Variants in TMEM222 observed in about 807,000 individuals in gnomAD.
The protein encoded by TMEM222 is chromosome 1 open reading frame 160.
A neutral mutation model predicts 25.1 loss-of-function variants in TMEM222; 18 were observed. The observed-to-expected ratio is 0.72, with a 90% confidence interval of 0.50 to 1.06. The LOEUF (loss-of-function observed/expected upper bound fraction) is 1.06, where lower values mean the gene tolerates loss of function less well. Among genes scored for constraint, TMEM222 ranks in the 50% least tolerant of loss-of-function variants. The pLI is 0.00. For missense variants in TMEM222, 296 were observed against 293.7 expected (o/e 1.01, Z -0.06); for synonymous variants, 131 against 117.9 (o/e 1.11, Z -0.72).
rs1247125887 is a variant in TMEM222, at chr1:27,331,287, G to C, written c.279+483G>C. Reference sequence around the variant, plus strand: ...CCAAGACTGGTCCAGTGGGCTAGCAGCAGAGGAGCATGCATCATCCTGTCT... The same window carrying C: ...CCAAGACTGGTCCAGTGGGCTAGCACCAGAGGAGCATGCATCATCCTGTCT... On this transcript the variant is annotated intron_variant, in intron 2 of 5. Coordinates refer to ENST00000374076, the MANE Select transcript of TMEM222 (RefSeq NM_032125.3). The C allele has an allele frequency of 1.8e-5, 8 of 449,846 alleles. No homozygotes were observed. In the South Asian group the frequency reaches 5.9e-4, roughly 33 times the overall value. The allele number at this position is 449,846 out of a possible 1,614,324, so 27.9% of individuals were successfully genotyped here.
intron 5 of TMEM222, chr1:27,335,011 A>G (rs746299898): frequency 1.5e-5 from 5 of 334,770 alleles, no homozygotes; most frequent in Non-Finnish European, 2.8e-5. Flanking sequence ...GGCAGAGGGC[A>G]CACGTGGCTT....
intron 1 of TMEM222, among the ~76,000 whole-genome samples, chr1:27,323,576 C>T (rs1211168901): frequency 1.3e-5 from 2 of 151,746 alleles, no homozygotes; most frequent in Non-Finnish European, 2.9e-5. Flanking sequence ...TAGTTCGAGA[C>T]CAACCTGGCC....
At chr1:27,322,508 A>G in intron 1 of TMEM222, 117 bp downstream of exon 1, 2 of 1,015,414 alleles carry the variant, frequency 2.0e-6, no homozygotes, top group Middle Eastern at 2.9e-4. Flanking sequence ...TCTGGCCCGC[A>G]CGCCTCGCCC....
intron 5 of TMEM222, 152 bp from the exon 6 acceptor site, chr1:27,335,227 C>T (rs2014576685): frequency 1.4e-6 from 1 of 723,434 alleles, no homozygotes; most frequent in Non-Finnish European, 2.4e-6. Context: ...GCCCAGCCTG[C>T]TTCCTTGATT....
chr1:27,333,932 T>C (rs2014540866), intron 3 of TMEM222, 26 bp from the exon 4 acceptor site: 5 of 1,603,588 alleles, frequency 3.1e-6, no homozygotes, highest in Admixed American at 1.7e-5. Flanking sequence ...GCCAAGCAAG[T>C]GTCCAGAGCC....
chr1:27,330,244 A>G (rs2014447757), intron 1 of TMEM222, among the ~76,000 whole-genome samples: 1 of 149,570 alleles, frequency 6.7e-6, no homozygotes, highest in Non-Finnish European at 1.5e-5. Flanking sequence ...TAAAAATACA[A>G]AAATTACCCA....
At chr1:27,323,845 C>G (rs1042740414) in intron 1 of TMEM222, among the ~76,000 whole-genome samples, 6 of 152,168 alleles carry the variant, frequency 3.9e-5, no homozygotes, top group Non-Finnish European at 8.8e-5. Flanking sequence ...AACACATGTG[C>G]TAAGTGACCC....
At chr1:27,331,527 T>TA in intron 2 of TMEM222, among the ~76,000 whole-genome samples, 1 of 152,388 alleles carries the variant, frequency 6.6e-6, no homozygotes, top group South Asian at 2.1e-4. Context: ...TGTCTCTGTG[T>TA]AAGTCCTGTA....
Position 27,322,305 on chromosome 1 carries a change from A to C in TMEM222, c.108A>C (p.Gln36His), listed in dbSNP as rs759490264. 12 of 1,560,830 alleles carry C rather than the reference A, an allele frequency of 7.7e-6. No homozygotes were observed. In the Admixed American group the frequency reaches 2.2e-4, roughly 28 times the overall value. ...CGGCGGCCGAGACGGACATGAAGCA[A>C]TATCAAGGCTCCGGCGGCGTCGCCA... Reference protein sequence around the residue: ...APTAAETDMKQYQGSGGVAMD... With the variant: ...APTAAETDMKHYQGSGGVAMD... The change falls in exon 1 of 6, where the codon CAA (glutamine) becomes CAC (histidine). Residue 36 changes from glutamine to histidine, a missense_variant. By Grantham distance (24) the Gln-to-His change is conservative. Transcript: ENST00000374076.
chr1:27,322,305 A>G lies in TMEM222; in HGVS notation c.108A>G (p.Gln36=), dbSNP rs759490264. The G allele has an allele frequency of 2.4e-5, 38 of 1,560,946 alleles. No individual in the cohort carries two copies. Among genetic ancestry groups the G allele is most frequent in the Middle Eastern group, 1.7e-4 (1 of 5,920 alleles). Residue 36 remains glutamine (Q), a synonymous_variant, in exon 1 of 6, where the codon CAA becomes CAG. Transcript: ENST00000374076. ...APTAAETDMK[Q]YQGSGGVAMD... Reference sequence around the variant, plus strand: ...CGGCGGCCGAGACGGACATGAAGCAATATCAAGGCTCCGGCGGCGTCGCCA... The same window carrying G: ...CGGCGGCCGAGACGGACATGAAGCAGTATCAAGGCTCCGGCGGCGTCGCCA...
chr1:27,334,658 GC>G, intron 5 of TMEM222: 1 of 1,422,962 alleles, frequency 7.0e-7, no homozygotes, highest in African/African-American at 1.4e-5. Context: ...CATAATGACT[GC>G]CCCACAGGTC....
chr1:27,331,966 T>C (rs2148017321), intron 2 of TMEM222, 104 bp from the exon 3 acceptor site: 14 of 670,178 alleles, frequency 2.1e-5, no homozygotes, highest in South Asian at 2.9e-5. Flanking sequence ...CCCCCACCCC[T>C]GACATACCCT....
rs369807918 is a variant in TMEM222 at position 27,334,290 on chromosome 1, C to T, written c.539+9C>T. The T allele has an allele frequency of 1.1e-5, 18 of 1,613,924 alleles. No individual in the cohort carries two copies. Among genetic ancestry groups the T allele is most frequent in the African/African-American group, 8.0e-5 (6 of 74,946 alleles). On this transcript the variant is annotated intron_variant, in intron 5 of 5. Coordinates refer to ENST00000374076, the MANE Select transcript of TMEM222 (RefSeq NM_032125.3). ...TACGGGAAGTACGTCAGGTGAGCTG[C>T]CCTCCTGCCTGCCCACCCACACACT...
intron 5 of TMEM222, chr1:27,334,649 A>G (rs1362682760): frequency 1.4e-6 from 2 of 1,432,494 alleles, no homozygotes; most frequent in Non-Finnish European, 1.9e-6. Context: ...AGATCCTCTC[A>G]TAATGACTGC....
rs1451088285 is a variant in TMEM222 at position 27,335,607 on chromosome 1, G to T, written c.*141G>T. 5.3e-6 allele frequency: 4 copies of T among 758,502 alleles called. No homozygotes were observed. In the East Asian group the frequency reaches 8.1e-5, roughly 15 times the overall value. The allele number at this position is 758,502 out of a possible 1,614,324, so 47.0% of individuals were successfully genotyped here. ...ACCGGGGGTCGGGGCTGGCAGGATGGAAGGACTGAGGACCAGCATGAAGTG... is the reference window on the plus strand; with the variant it reads ...ACCGGGGGTCGGGGCTGGCAGGATGTAAGGACTGAGGACCAGCATGAAGTG... On this transcript the variant is annotated 3_prime_UTR_variant, in exon 6 of 6. Coordinates refer to ENST00000374076, the MANE Select transcript of TMEM222 (RefSeq NM_032125.3).
At chr1:27,332,294 G>A (rs2014501171) in intron 3 of TMEM222, 193 bp downstream of exon 3, 1 of 707,996 alleles carries the variant, frequency 1.4e-6, no homozygotes, top group East Asian at 2.7e-5. Flanking sequence ...CCCTGGCTAG[G>A]GCCTTTACCT....
At position 27,334,135 on chromosome 1, in the gene TMEM222, C is replaced by G; in HGVS notation, c.409-16C>G. ...CCCCTGCAGCCCATCCTGACCAGCC[C>G]TTCTGGTGCCTCCAGCACAATCTCT... On this transcript the variant is annotated splice_polypyrimidine_tract_variant and intron_variant, in intron 4 of 5. Coordinates refer to ENST00000374076, the MANE Select transcript of TMEM222 (RefSeq NM_032125.3). 6.2e-7 allele frequency: 1 copy of G among 1,614,140 alleles called. No homozygotes were observed. The highest frequency in any genetic ancestry group is 1.1e-5 in the South Asian group (1 of 91,082).
intron 5 of TMEM222, 177 bp from the exon 6 acceptor site, chr1:27,335,202 A>T (rs1253167098): frequency 3.1e-6 from 2 of 639,308 alleles, no homozygotes; most frequent in Non-Finnish European, 5.6e-6. Flanking sequence ...GTGATCCCCC[A>T]TAGTGGGCAA....
intron 1 of TMEM222, chr1:27,325,862 G>A: frequency 2.6e-6 from 2 of 769,932 alleles, no homozygotes; most frequent in Non-Finnish European, 4.8e-6. Context: ...ATTGGCCCTG[G>A]CAAATGCATA....
Sources: gnomAD v4.1 joint callset for allele counts (sites outside exome capture counted in the v4.1 genomes callset) on GRCh38, gnomAD v4.1.1 for gene constraint, MANE v1.5 for transcripts, NCBI Gene and HGNC (gene_info 2026-07-23, HGNC 2026-07-21) for gene names.